MAGI2: variants seen among roughly 807,000 people sequenced by gnomAD.
The protein encoded by MAGI2 is membrane-associated guanylate kinase, WW and PDZ domain-containing protein 2.
In MAGI2, 35 loss-of-function variants were observed where a neutral mutation model predicts 133.3. The ratio of observed to expected loss-of-function variants is 0.26; its 90% CI spans 0.20 to 0.35. The LOEUF is 0.35. Ranked by LOEUF, MAGI2 falls within the 10% of genes least tolerant of loss-of-function variation. The pLI, the probability that MAGI2 is intolerant of heterozygous loss-of-function variation, is 1.00. For missense variants in MAGI2, 1,636 were observed against 1,863.4 expected (o/e 0.88, Z 2.25); for synonymous variants, 729 against 710.6 (o/e 1.03, Z -0.41).
chr7:79,171,457 A>C (rs972968049), intron 1 of MAGI2, among the ~76,000 whole-genome samples: 1 of 151,854 alleles, frequency 6.6e-6, no homozygotes, highest in Non-Finnish European at 1.5e-5. Flanking sequence ...TCTAGGGCTT[A>C]GGTCTTCAGC....
At chr7:78,762,144 G>GTAGAGATTTTTGGATTAA (rs1824571745) in intron 2 of MAGI2, among the ~76,000 whole-genome samples, 2 of 151,132 alleles carry the variant, frequency 1.3e-5, no homozygotes, top group African/African-American at 4.9e-5. Context: ...AGACTGCCAA[G>GTAGAGATTTTTGGATTAA]AACAAGTAGA....
chr7:78,581,555 T>C (rs1802839507), intron 3 of MAGI2, among the ~76,000 whole-genome samples: 2 of 152,274 alleles, frequency 1.3e-5, no homozygotes, highest in African/African-American at 4.8e-5. Context: ...TAGAGAAAAA[T>C]CACACACTAC....
intron 14 of MAGI2, among the ~76,000 whole-genome samples, chr7:78,175,039 G>C (rs1479598539): frequency 6.6e-6 from 1 of 152,128 alleles, no homozygotes; most frequent in East Asian, 1.9e-4. Context: ...TCTTTTGGAT[G>C]GTTCTAATTT....
chr7:78,212,842 G>A (rs1012252728), intron 10 of MAGI2, among the ~76,000 whole-genome samples: 1 of 152,022 alleles, frequency 6.6e-6, no homozygotes, highest in Non-Finnish European at 1.5e-5. Context: ...TGCCACACCC[G>A]GTTAACTTTT....
At chr7:78,594,692 G>A (rs771825360) in intron 3 of MAGI2, among the ~76,000 whole-genome samples, 23 of 152,126 alleles carry the variant, frequency 1.5e-4, no homozygotes, top group African/African-American at 1.9e-4. Flanking sequence ...TCTTGATCTC[G>A]TGATCTGCCT....
At chr7:78,871,029 G>A (rs1366386341) in intron 2 of MAGI2, among the ~76,000 whole-genome samples, 1 of 152,140 alleles carries the variant, frequency 6.6e-6, no homozygotes, top group Non-Finnish European at 1.5e-5. Context: ...CAATCTAATG[G>A]GCCGGGAGCA....
chr7:78,802,680 T>C (rs1788175099), intron 2 of MAGI2, among the ~76,000 whole-genome samples: 3 of 152,156 alleles, frequency 2.0e-5, no homozygotes, highest in African/African-American at 7.2e-5. Context: ...TCCTGTAGAA[T>C]GTACAACACC....
chr7:78,581,368 C>T (rs1584728177), intron 3 of MAGI2, among the ~76,000 whole-genome samples: 1 of 152,162 alleles, frequency 6.6e-6, no homozygotes, highest in East Asian at 1.9e-4. Flanking sequence ...CCATCACTGC[C>T]ATTAGTATTC....
chr7:78,113,042 G>T (rs1226127686), intron 20 of MAGI2, among the ~76,000 whole-genome samples: 1 of 152,082 alleles, frequency 6.6e-6, no homozygotes, highest in Non-Finnish European at 1.5e-5. Context: ...ATGTGCAAAA[G>T]CCCCATGGGC....
At chr7:78,534,459 G>A (rs1259604129) in intron 3 of MAGI2, among the ~76,000 whole-genome samples, 1 of 152,188 alleles carries the variant, frequency 6.6e-6, no homozygotes, top group Non-Finnish European at 1.5e-5. Context: ...ATATATGTGT[G>A]TGTTTGTATA....
At chr7:79,174,599 C>T (rs1245801577) in intron 1 of MAGI2, among the ~76,000 whole-genome samples, 1 of 150,362 alleles carries the variant, frequency 6.7e-6, no homozygotes, top group Non-Finnish European at 1.5e-5. Flanking sequence ...TACCTATAAT[C>T]CCAGCACTTT....
intron 2 of MAGI2, among the ~76,000 whole-genome samples, chr7:78,750,619 A>G (rs1823367082): frequency 6.6e-6 from 1 of 152,166 alleles, no homozygotes; most frequent in Non-Finnish European, 1.5e-5. Context: ...ACACATAACA[A>G]AAAACACAAG....
intron 1 of MAGI2, among the ~76,000 whole-genome samples, chr7:79,327,058 A>C (rs2129086862): frequency 6.6e-6 from 1 of 152,304 alleles, no homozygotes; most frequent in Middle Eastern, 3.4e-3. Context: ...ACATGATATT[A>C]AGAAACAGTG....
At chr7:78,408,805 T>C (rs2151372753) in intron 6 of MAGI2, among the ~76,000 whole-genome samples, 1 of 152,248 alleles carries the variant, frequency 6.6e-6, no homozygotes, top group African/African-American at 2.4e-5. Context: ...ATGAGTTAAA[T>C]TAGATGTATT....
chr7:79,250,233 G>A (rs1015071045), intron 1 of MAGI2, among the ~76,000 whole-genome samples: 10 of 150,986 alleles, frequency 6.6e-5, no homozygotes, highest in Non-Finnish European at 1.5e-4. Context: ...CTAAGATCCA[G>A]AACACAAGGA....
intron 2 of MAGI2, among the ~76,000 whole-genome samples, chr7:78,654,206 G>C (rs963327499): frequency 1.3e-5 from 2 of 152,042 alleles, no homozygotes; most frequent in Admixed American, 6.6e-5. Flanking sequence ...TTACTAGCTG[G>C]GCAAGCTTGG....
chr7:78,580,736 A>G (rs1387936163), intron 3 of MAGI2, among the ~76,000 whole-genome samples: 1 of 152,216 alleles, frequency 6.6e-6, no homozygotes, highest in Non-Finnish European at 1.5e-5. Context: ...GATCAGAAAG[A>G]CTAAAGAGAA....
At chr7:79,195,568 T>G (rs1043225776) in intron 1 of MAGI2, among the ~76,000 whole-genome samples, 7 of 151,964 alleles carry the variant, frequency 4.6e-5, no homozygotes, top group Admixed American at 4.6e-4. Context: ...AACTCAAACT[T>G]CAATGAAACC....
At chr7:79,372,661 T>A (rs1843120355) in intron 1 of MAGI2, among the ~76,000 whole-genome samples, 2 of 152,054 alleles carry the variant, frequency 1.3e-5, no homozygotes, top group South Asian at 4.1e-4. Context: ...ACACCCAATT[T>A]TCAGTCATTC....
Sources: allele counts gnomAD v4.1 joint callset (sites outside exome capture counted in the v4.1 genomes callset), GRCh38; gene constraint gnomAD v4.1.1; transcripts MANE v1.5; gene names NCBI Gene and HGNC (gene_info 2026-07-23, HGNC 2026-07-21).